Variants in ALDH1L1 observed in about 807,000 individuals in gnomAD.
ALDH1L1 encodes aldehyde dehydrogenase 1 family member L1.
ALDH1L1 carries 68 observed loss-of-function variants against 101.1 expected under a neutral mutation model. The ratio of observed to expected loss-of-function variants is 0.67; its 90% confidence interval spans 0.55 to 0.82. The LOEUF (loss-of-function observed/expected upper bound fraction) is 0.82. ALDH1L1 is among the 40% of genes least tolerant of loss of function. The pLI, the probability that ALDH1L1 is intolerant of heterozygous loss-of-function variation, is 0.00. For synonymous variants in ALDH1L1, 486 were observed against 470.8 expected, an observed-to-expected ratio of 1.03 and a Z score of -0.42; for missense variants, 1,087 against 1,172.7, an observed-to-expected ratio of 0.93 and a Z score of 1.07.
intron 1 of ALDH1L1, among the ~76,000 whole-genome samples, chr3:126,189,120 A>G (rs1006679309): frequency 1.3e-5 from 2 of 152,236 alleles, no homozygotes; most frequent in African/African-American, 4.8e-5. Flanking sequence ...GGGACCACAA[A>G]TACAATTTAA....
intron 1 of ALDH1L1, 102 bp from the exon 2 acceptor site, chr3:126,161,104 C>A: frequency 7.3e-7 from 1 of 1,367,664 alleles, no homozygotes; most frequent in South Asian, 1.4e-5. Flanking sequence ...CCTGCTCTAC[C>A]CCAGTCCCCT....
At chr3:126,162,983 G>C (rs1390690357) in intron 1 of ALDH1L1, among the ~76,000 whole-genome samples, 2 of 152,132 alleles carry the variant, frequency 1.3e-5, no homozygotes, top group Non-Finnish European at 2.9e-5. Context: ...ATCTATCTTT[G>C]AAACTTTAGT....
chr3:126,105,600 C>G, intron 22 of ALDH1L1, 126 bp downstream of exon 22: 7 of 1,121,892 alleles, frequency 6.2e-6, no homozygotes, highest in South Asian at 3.8e-5. Context: ...AAGAAGCGAA[C>G]CCTGACAGCC....
At chr3:126,184,101 C>T (rs189534717), upstream of ALDH1L1, among the ~76,000 whole-genome samples, 14 of 152,262 alleles carry the variant, frequency 9.2e-5, no homozygotes, top group African/African-American at 2.4e-4. Context: ...GTGTGATTTC[C>T]GAATCCATCC....
At position 126,137,851 on chromosome 3, in the gene ALDH1L1, G is replaced by A. The variant is rs748879861; in HGVS notation, c.1186C>T (p.Arg396Ter). Residue 396 changes from arginine (R) to a stop codon, truncating the protein, a stop_gained, in exon 10 of 23, where the codon CGA (arginine) becomes TGA (stop). Coordinates refer to ENST00000393434, the MANE Select transcript of ALDH1L1 (RefSeq NM_012190.4). LOFTEE classifies it high-confidence loss of function. ...CACTCGCCCTCCTCATCGTCCCCTC[G>A]CAGCTTCCTCACTAACAGCTGGATG... ...DFIQLLVRKL[R>*]GDDEEGECSI... The A allele has an allele frequency of 1.1e-5, 17 of 1,614,016 alleles. No homozygotes were observed. The highest frequency in any genetic ancestry group is 2.2e-5 in the East Asian group (1 of 44,896).
intron 19 of ALDH1L1, among the ~76,000 whole-genome samples, chr3:126,110,987 C>G (rs3772426): frequency 0.26 from 39,601 of 152,162 alleles, 5,740 homozygotes; most frequent in Middle Eastern, 0.38. Flanking sequence ...TCATGACTCC[C>G]TTAAGACCCC....
rs115629184 is a variant in ALDH1L1, at chr3:126,171,691, T to C, written c.-24+8785A>G. Among the ~76,000 whole-genome samples the C allele has an allele frequency of 9.2e-3, 1,397 of 152,254 alleles. 24 individuals are homozygous for C. The highest frequency in any genetic ancestry group is 0.032 in the African/African-American group (1,340 of 41,528). On this transcript the variant is annotated intron_variant, in intron 1 of 22. Transcript: ENST00000393434. ...ATATCTACCCTCATAGAAACTATTA[T>C]ACCAGAGCCTAAGTGAATGGACACC... is the stretch of plus-strand genomic sequence containing the variant.
chr3:126,111,279 G>A (rs150827384), intron 19 of ALDH1L1, among the ~76,000 whole-genome samples: 4 of 152,350 alleles, frequency 2.6e-5, no homozygotes, highest in Admixed American at 6.5e-5. Flanking sequence ...GCAATGTTTC[G>A]TGCATTTCAA....
At chr3:126,129,868 G>C (rs2080265066) in intron 14 of ALDH1L1, 1 of 161,680 alleles carries the variant, frequency 6.2e-6, no homozygotes, top group Non-Finnish European at 1.3e-5. Context: ...CTGCTGAGCA[G>C]CTCTCGTCCT....
intron 22 of ALDH1L1, 182 bp downstream of exon 22, chr3:126,105,544 T>C (rs1164664072): frequency 1.4e-6 from 1 of 714,104 alleles, no homozygotes; most frequent in South Asian, 1.6e-5. Flanking sequence ...ACGACCCCCC[T>C]CTGCAAGCAT....
intron 12 of ALDH1L1, among the ~76,000 whole-genome samples, chr3:126,134,850 C>T (rs1007209021): frequency 6.6e-6 from 1 of 152,080 alleles, no homozygotes; most frequent in Non-Finnish European, 1.5e-5. Context: ...CTCATCTGGC[C>T]GCACCCTCTC....
chr3:126,171,024 C>T (rs1302561812), intron 1 of ALDH1L1, among the ~76,000 whole-genome samples: 1 of 152,130 alleles, frequency 6.6e-6, no homozygotes, highest in African/African-American at 2.4e-5. Flanking sequence ...CTTGGCTGGG[C>T]GCGGTGGCTC....
intron 9 of ALDH1L1, among the ~76,000 whole-genome samples, chr3:126,143,502 T>C (rs898494803): frequency 6.6e-6 from 1 of 152,236 alleles, no homozygotes; most frequent in South Asian, 2.1e-4. Flanking sequence ...TGATTGACCA[T>C]GGGTAACTTA....
intron 1 of ALDH1L1, chr3:126,179,817 G>C (rs959492263): frequency 1.3e-5 from 2 of 152,200 alleles, no homozygotes; most frequent in African/African-American, 4.8e-5. Flanking sequence ...CTAGGCAAGT[G>C]CCCGCGGGGC....
chr3:126,121,173 G>T (rs1426916244), intron 16 of ALDH1L1, among the ~76,000 whole-genome samples: 1 of 152,198 alleles, frequency 6.6e-6, no homozygotes, highest in Non-Finnish European at 1.5e-5. Flanking sequence ...TACAAGCTAG[G>T]AGGAGGCAAA....
chr3:126,112,395 C>G (rs1018358573), intron 19 of ALDH1L1, among the ~76,000 whole-genome samples: 6 of 152,198 alleles, frequency 3.9e-5, no homozygotes, highest in African/African-American at 1.4e-4. Context: ...CAGGCCCAGG[C>G]TGACCTGAGA....
chr3:126,123,804 T>C (rs1278500532), intron 16 of ALDH1L1, among the ~76,000 whole-genome samples: 1 of 151,780 alleles, frequency 6.6e-6, no homozygotes, highest in African/African-American at 2.4e-5. Flanking sequence ...TTCACCAATT[T>C]AATCAACTTA....
intron 1 of ALDH1L1, among the ~76,000 whole-genome samples, chr3:126,197,351 C>A (rs1431549602): frequency 1.3e-5 from 2 of 152,150 alleles, no homozygotes; most frequent in Non-Finnish European, 2.9e-5. Context: ...CCTAGATTAA[C>A]TTAGCCAATG....
intron 1 of ALDH1L1, among the ~76,000 whole-genome samples, chr3:126,169,199 T>C (rs956651281): frequency 6.6e-6 from 1 of 152,172 alleles, no homozygotes; most frequent in Non-Finnish European, 1.5e-5. Context: ...CTAATCTTTA[T>C]CTTATTTTTC....
Sources: gnomAD v4.1 joint callset for allele counts (sites outside exome capture counted in the v4.1 genomes callset) on GRCh38, gnomAD v4.1.1 for gene constraint, MANE v1.5 for transcripts, NCBI Gene and HGNC (gene_info 2026-07-23, HGNC 2026-07-21) for gene names.